The following PDE3B variants were observed in gnomAD, a reference collection of about 807,000 sequenced individuals.
PDE3B encodes the protein phosphodiesterase 3B, also known as cGMP-inhibited 3',5'-cyclic phosphodiesterase 3B.
A neutral mutation model predicts 116.8 loss-of-function variants in PDE3B; 66 were observed. That is an observed-to-expected ratio of 0.56 (90% CI 0.46 to 0.69). The LOEUF (loss-of-function observed/expected upper bound fraction) is 0.69, where lower values mean the gene tolerates loss of function less well. PDE3B is among the 30% of genes least tolerant of loss of function. The pLI, the probability that PDE3B is intolerant of heterozygous loss-of-function variation, is 0.00. For synonymous variants in PDE3B, 595 were observed against 533.6 expected (o/e 1.12, Z -1.59); for missense variants, 1,384 against 1,368.1 (o/e 1.01, Z -0.18).
intron 1 of PDE3B, among the ~76,000 whole-genome samples, chr11:14,738,302 A>C (rs1284365182): frequency 6.6e-6 from 1 of 152,216 alleles, no homozygotes. Flanking sequence ...CTTTTTAGTG[A>C]TCGCCATTCT....
At chr11:14,875,303 C>A (rs1848179351), downstream of PDE3B, among the ~76,000 whole-genome samples, 1 of 152,114 alleles carries the variant, frequency 6.6e-6, no homozygotes, top group African/African-American at 2.4e-5. Context: ...CTATATTTTT[C>A]CATTCACCTT....
At chr11:14,784,655 A>G (rs1325894573) in intron 2 of PDE3B, among the ~76,000 whole-genome samples, 1 of 152,188 alleles carries the variant, frequency 6.6e-6, no homozygotes, top group East Asian at 1.9e-4. Context: ...AAAACAAATA[A>G]TAAAACAGCA....
chr11:14,700,123 C>G (rs1855321269), intron 1 of PDE3B, among the ~76,000 whole-genome samples: 1 of 151,540 alleles, frequency 6.6e-6, no homozygotes, highest in Admixed American at 6.6e-5. Flanking sequence ...TTTAGTTTTG[C>G]TAGTAATAGT....
intron 12 of PDE3B, among the ~76,000 whole-genome samples, chr11:14,845,442 C>A (rs568548156): frequency 1.3e-4 from 20 of 152,270 alleles, no homozygotes; most frequent in Non-Finnish European, 2.2e-4. Flanking sequence ...CTCTCCTCCT[C>A]CAAAGGAACT....
chr11:14,878,168 A>G, the PDE3B span: 13 of 1,613,214 alleles, frequency 8.1e-6, no homozygotes, highest in Non-Finnish European at 1.1e-5. Flanking sequence ...CTGCAATGTC[A>G]TGCCTAACCT....
chr11:14,851,541 G>A (rs773879099), intron 12 of PDE3B, among the ~76,000 whole-genome samples: 25 of 148,992 alleles, frequency 1.7e-4, no homozygotes, highest in Non-Finnish European at 2.5e-4. Flanking sequence ...TGTGTTAATG[G>A]GTTAAAAGGG....
intron 5 of PDE3B, among the ~76,000 whole-genome samples, chr11:14,816,191 G>A (rs577633183): frequency 1.2e-4 from 19 of 152,150 alleles, no homozygotes; most frequent in Non-Finnish European, 2.4e-4. Context: ...GCCCACCCAT[G>A]TTATGGAAAT....
intron 12 of PDE3B, among the ~76,000 whole-genome samples, chr11:14,857,829 C>T (rs1463791180): frequency 3.3e-5 from 5 of 152,198 alleles, no homozygotes; most frequent in African/African-American, 1.2e-4. Context: ...ATTACTTCCT[C>T]CTGAACAGAC....
In PDE3B at chr11:14,644,163, G is replaced by T; in HGVS notation, c.88G>T (p.Gly30Cys). The T allele has an allele frequency of 6.3e-7, 1 of 1,594,778 alleles. No homozygotes were observed. Among genetic ancestry groups the T allele is most frequent in the Non-Finnish European group, 8.5e-7 (1 of 1,177,348 alleles). Residue 30 changes from glycine (G) to cysteine (C), a missense_variant, in exon 1 of 16, where the codon GGC becomes TGC. Physicochemically the swap from Gly to Cys is radical, Grantham distance 159. Transcript: ENST00000282096. The stretch of plus-strand genomic sequence containing the variant: ...CTCGCCCCCCGAGAGTCTGAGGAAC[G>T]GCTACGTGAAGAGCTGCGTGAGCCC... ...AGSPPESLRN[G>C]YVKSCVSPLR...
At chr11:14,854,019 A>T (rs1274233905) in intron 12 of PDE3B, among the ~76,000 whole-genome samples, 6 of 152,286 alleles carry the variant, frequency 3.9e-5, no homozygotes, top group African/African-American at 1.2e-4. Context: ...TTAAAATAAT[A>T]GTAAGTTATG....
At chr11:14,661,530 G>C (rs1853909469) in intron 1 of PDE3B, among the ~76,000 whole-genome samples, 1 of 152,236 alleles carries the variant, frequency 6.6e-6, no homozygotes, top group South Asian at 2.1e-4. Context: ...AAGCGCAAGG[G>C]GTCAGGGAGT....
At chr11:14,780,174 A>C (rs1857939069) in intron 2 of PDE3B, among the ~76,000 whole-genome samples, 1 of 152,204 alleles carries the variant, frequency 6.6e-6, no homozygotes, top group Non-Finnish European at 1.5e-5. Context: ...GCAAGTCCTT[A>C]GAGACCTACA....
At chr11:14,759,004 T>TTTC (rs1857275054) in intron 1 of PDE3B, among the ~76,000 whole-genome samples, 2 of 152,094 alleles carry the variant, frequency 1.3e-5, no homozygotes, top group Admixed American at 1.3e-4. Context: ...TCAAAGGCTT[T>TTTC]TTCTGCATCT....
intron 1 of PDE3B, among the ~76,000 whole-genome samples, chr11:14,668,719 T>C (rs535653394): frequency 6.6e-5 from 10 of 152,304 alleles, no homozygotes; most frequent in African/African-American, 2.4e-4. Context: ...TCTGCTTTAT[T>C]CAAGAATTTG....
intron 1 of PDE3B, among the ~76,000 whole-genome samples, chr11:14,649,467 A>G (rs1169236410): frequency 6.6e-6 from 1 of 152,216 alleles, no homozygotes; most frequent in Non-Finnish European, 1.5e-5. Flanking sequence ...GAAAACGGGG[A>G]CTAGAACCTA....
intron 1 of PDE3B, among the ~76,000 whole-genome samples, chr11:14,751,739 A>T (rs1019897554): frequency 3.3e-5 from 5 of 152,194 alleles, no homozygotes; most frequent in African/African-American, 1.2e-4. Flanking sequence ...CTGCTGTGAC[A>T]TCCTGAAAAG....
At chr11:14,811,587 T>C (rs974526840) in intron 5 of PDE3B, among the ~76,000 whole-genome samples, 7 of 152,172 alleles carry the variant, frequency 4.6e-5, no homozygotes, top group African/African-American at 1.7e-4. Context: ...TGCCTCCAGC[T>C]TTGTTCTTTT....
chr11:14,783,312 A>G (rs1012631821), intron 2 of PDE3B, among the ~76,000 whole-genome samples: 2 of 152,238 alleles, frequency 1.3e-5, no homozygotes, highest in African/African-American at 4.8e-5. Context: ...ATGCACATGT[A>G]TGTTTATTGC....
chr11:14,779,694 C>G lies in PDE3B; in HGVS notation c.1030-6743C>G, dbSNP rs918540339. Among the ~76,000 whole-genome samples, 212 of 152,198 alleles carry G rather than the reference C, an allele frequency of 1.4e-3. 2 individuals are homozygous for G. Among genetic ancestry groups the G allele is most frequent in the Non-Finnish European group, 2.4e-3 (166 of 67,992 alleles). On this transcript the variant is annotated intron_variant, in intron 2 of 15. Coordinates refer to ENST00000282096, the MANE Select transcript of PDE3B (RefSeq NM_000922.4). The stretch of plus-strand genomic sequence containing the variant: ...CACTAAACATGGAAAGGAACAACTG[C>G]TACCAGCCACTGCAAAAACATGCCA...
Sources: gnomAD v4.1 joint callset for allele counts (sites outside exome capture counted in the v4.1 genomes callset) on GRCh38, gnomAD v4.1.1 for gene constraint, MANE v1.5 for transcripts, NCBI Gene and HGNC (gene_info 2026-07-23, HGNC 2026-07-21) for gene names.